The following SHROOM2 variants were observed in gnomAD, a reference collection of about 807,000 sequenced individuals.
The protein encoded by SHROOM2 is protein Shroom2.
In SHROOM2, 33 loss-of-function variants were observed where a neutral mutation model predicts 75.9. That is an observed-to-expected ratio of 0.43 (90% confidence interval 0.33 to 0.58). SHROOM2 has a LOEUF of 0.58. Among genes scored for constraint, SHROOM2 ranks in the 20% least tolerant of loss-of-function variants. The pLI is 0.04. For synonymous variants in SHROOM2, 655 were observed against 663.6 expected, an observed-to-expected ratio of 0.99 and a Z score of 0.20; for missense variants, 1,434 against 1,461.2, an observed-to-expected ratio of 0.98 and a Z score of 0.30.
chrX:9,843,746 T>G (rs1197150353), intron 1 of SHROOM2, among the ~76,000 whole-genome samples: 1 of 112,501 alleles, frequency 8.9e-6, no homozygotes, highest in South Asian at 3.6e-4. Flanking sequence ...TTCTTGACTG[T>G]GACAGTTTTT....
At chrX:9,803,480 A>G (rs1005143526) in intron 1 of SHROOM2, among the ~76,000 whole-genome samples, 2 of 111,121 alleles carry the variant, frequency 1.8e-5, no homozygotes, top group African/African-American at 6.5e-5. Context: ...CTGGGTGGAG[A>G]GGCAGGCCTC....
At chrX:9,922,049 C>T (rs1444139767) in intron 5 of SHROOM2, among the ~76,000 whole-genome samples, 1 of 111,210 alleles carries the variant, frequency 9.0e-6, no homozygotes, top group Non-Finnish European at 1.9e-5. Context: ...ATTGTTGGGA[C>T]TTCTTTGTTT....
chrX:9,847,054 G>C (rs1458548395), intron 1 of SHROOM2, among the ~76,000 whole-genome samples: 1 of 112,082 alleles, frequency 8.9e-6, no homozygotes, highest in Non-Finnish European at 1.9e-5. Flanking sequence ...TTCTCATTTT[G>C]GTTTCCAAAA....
At chrX:9,791,888 G>T (rs1311549261) in intron 1 of SHROOM2, among the ~76,000 whole-genome samples, 1 of 108,295 alleles carries the variant, frequency 9.2e-6, no homozygotes, top group African/African-American at 3.4e-5. Flanking sequence ...CCAGCTACTC[G>T]GGAGGCTCCC....
At chrX:9,911,215 G>C (rs1394030190) in intron 5 of SHROOM2, among the ~76,000 whole-genome samples, 2 of 111,822 alleles carry the variant, frequency 1.8e-5, no homozygotes, top group Non-Finnish European at 3.8e-5. Context: ...CTCAGTGTAA[G>C]TGTGTCAGGT....
At chrX:9,786,872 G>A (rs922336120) in intron 1 of SHROOM2, among the ~76,000 whole-genome samples, 162 bp downstream of exon 1, 1 of 111,912 alleles carries the variant, frequency 8.9e-6, no homozygotes, top group Non-Finnish European at 1.9e-5. Context: ...GACCGGCGTG[G>A]GCGTGTGATC....
chrX:9,894,671 G>A lies in SHROOM2; in HGVS notation c.763G>A (p.Ala255Thr), dbSNP rs111899727. The A allele has an allele frequency of 3.1e-4, 370 of 1,209,197 alleles. 1 individual carries two copies. In the African/African-American group the frequency reaches 5.2e-3, roughly 17 times the overall value. The change falls in exon 4 of 10, where the codon GCA (alanine) becomes ACA (threonine). Residue 255 changes from alanine (A) to threonine (T), a missense_variant. Physicochemically the swap from Ala to Thr is moderately conservative, Grantham distance 58 (BLOSUM62 0). Transcript: ENST00000380913. ...GCAGGGTGGCCGGCAGGCCCAGGCC[G>A]CAGGCGACCCTCAGGGCTCGGAGGA... is the stretch of plus-strand genomic sequence containing the variant. Reference protein sequence around the residue: ...PRQGGRQAQAAGDPQGSEEKL... With the variant: ...PRQGGRQAQATGDPQGSEEKL...
chrX:9,944,259 C>T (rs1020731242), intron 8 of SHROOM2, among the ~76,000 whole-genome samples: 1 of 112,144 alleles, frequency 8.9e-6, no homozygotes, highest in African/African-American at 3.2e-5. Context: ...AGACTCACTA[C>T]TTTCTCTCTA....
chrX:9,891,094 C>G lies in SHROOM2; in HGVS notation c.435C>G (p.Gly145=), dbSNP rs1242109229. 8.3e-7 allele frequency: 1 copy of G among 1,204,494 alleles called. No homozygotes were observed. The highest frequency in any genetic ancestry group is 1.1e-6 in the Non-Finnish European group (1 of 892,567). The change falls in exon 3 of 10, where the codon GGC becomes GGG. Residue 145 remains glycine, a synonymous_variant. Coordinates refer to ENST00000380913, the MANE Select transcript of SHROOM2 (RefSeq NM_001649.4). ...TSTSGCPSWS[G]RHHASSSSHD... ...CCAGCGGCTGTCCTTCCTGGTCCGG[C>G]CGACACCACGCGAGGTAGGCACCCA...
intron 1 of SHROOM2, among the ~76,000 whole-genome samples, chrX:9,850,917 C>T (rs2084036222): frequency 9.0e-6 from 1 of 111,515 alleles, no homozygotes; most frequent in Admixed American, 9.5e-5. Flanking sequence ...TGCCTCTCAC[C>T]ACAGCCTTCC....
chrX:9,795,088 C>A (rs1376810979), intron 1 of SHROOM2, among the ~76,000 whole-genome samples: 1 of 86,274 alleles, frequency 1.2e-5, no homozygotes, highest in East Asian at 3.4e-4. Context: ...TTTTCCCTCT[C>A]ATTTTTCTTT....
chrX:9,922,750 C>T (rs908076616), intron 5 of SHROOM2, among the ~76,000 whole-genome samples: 4 of 110,837 alleles, frequency 3.6e-5, no homozygotes, highest in African/African-American at 1.3e-4. Context: ...GGTGGACTGG[C>T]TGGGTCGCAG....
rs771206828 is a variant in SHROOM2 at position 9,806,872 on chromosome X, C to T, written c.165+20162C>T. On this transcript the variant is annotated intron_variant, in intron 1 of 9. Coordinates refer to ENST00000380913, the MANE Select transcript of SHROOM2 (RefSeq NM_001649.4). Reference sequence around the variant, plus strand: ...CCAAGTAGCTGGGATTACAAGCCTGCGCCACCATACCTGGCTAATTTTTGT... The same window carrying T: ...CCAAGTAGCTGGGATTACAAGCCTGTGCCACCATACCTGGCTAATTTTTGT... Among the ~76,000 whole-genome samples, 190 of 110,981 alleles carry T rather than the reference C, an allele frequency of 1.7e-3. 1 individual carries two copies. The highest frequency in any genetic ancestry group is 5.2e-3 in the African/African-American group (158 of 30,516).
intron 1 of SHROOM2, among the ~76,000 whole-genome samples, chrX:9,834,237 G>T (rs1464873932): frequency 8.9e-6 from 1 of 111,918 alleles, no homozygotes; most frequent in Non-Finnish European, 1.9e-5. Context: ...CAGGACTGTG[G>T]CCCCCAGCAT....
At chrX:9,879,050 G>T (rs1370956457) in intron 2 of SHROOM2, among the ~76,000 whole-genome samples, 1 of 110,095 alleles carries the variant, frequency 9.1e-6, no homozygotes, top group Non-Finnish European at 1.9e-5. Context: ...AGAAAGGAGA[G>T]AGGGAGGGAG....
rs140704130 is a variant in SHROOM2, at chrX:9,811,482, C to G, written c.165+24772C>G. Among the ~76,000 whole-genome samples, 879 of 112,263 alleles carry G rather than the reference C, an allele frequency of 7.8e-3. 7 individuals are homozygous for G. The highest frequency in any genetic ancestry group is 0.027 in the African/African-American group (844 of 30,902). ...CTCACATGGGATACAAATATCTTCA[C>G]AGTTTTTGACCACTCAGAGAGGTCC... On this transcript the variant is annotated intron_variant, in intron 1 of 9. Transcript: ENST00000380913.
At chrX:9,887,000 T>C (rs2084264558) in intron 2 of SHROOM2, among the ~76,000 whole-genome samples, 1 of 112,635 alleles carries the variant, frequency 8.9e-6, no homozygotes, top group African/African-American at 3.2e-5. Flanking sequence ...ATGTTCCGAT[T>C]TCAACAGAAT....
At position 9,947,635 on chromosome X, in the gene SHROOM2, AGCAG is replaced by A. The variant is rs913657300; in HGVS notation, c.*702_*705del. The A allele has an allele frequency of 2.7e-5, 3 of 112,572 alleles. No individual in the cohort carries two copies. The highest frequency in any genetic ancestry group is 9.7e-5 in the African/African-American group (3 of 30,947). 9.3% of individuals were successfully genotyped at this position (112,572 alleles called of 1,213,427 possible). A position where few individuals can be genotyped will look rare whatever the true frequency, so the allele number is the denominator to read the frequency against. ...CTTTAAAAAACACAGTCACGCACCA[AGCAG>A]GCAAATAGCTTTAGTCCTTCTCACC... On this transcript the variant is annotated 3_prime_UTR_variant, in exon 10 of 10. Coordinates refer to ENST00000380913, the MANE Select transcript of SHROOM2 (RefSeq NM_001649.4).
chrX:9,913,244 C>T (rs889117780), intron 5 of SHROOM2: 1 of 112,281 alleles, frequency 8.9e-6, no homozygotes, highest in Non-Finnish European at 1.9e-5. Context: ...CAGCTACATC[C>T]TCAAGAAAAA....
Sources: gnomAD v4.1 joint callset for allele counts (sites outside exome capture counted in the v4.1 genomes callset) on GRCh38, gnomAD v4.1.1 for gene constraint, MANE v1.5 for transcripts, NCBI Gene and HGNC (gene_info 2026-07-23, HGNC 2026-07-21) for gene names.